ITGA8: variants seen among roughly 807,000 people sequenced by gnomAD.
ITGA8 encodes integrin subunit alpha 8.
A neutral mutation model predicts 142.3 loss-of-function variants in ITGA8; 91 were observed. That is an observed-to-expected ratio of 0.64 (90% CI 0.54 to 0.76). The LOEUF (loss-of-function observed/expected upper bound fraction) is 0.76, where lower values mean the gene tolerates loss of function less well. Ranked by LOEUF, ITGA8 falls within the 30% of genes least tolerant of loss-of-function variation. ITGA8 has a pLI of 0.00. For synonymous variants in ITGA8, 505 were observed against 485.2 expected, an observed-to-expected ratio of 1.04 and a Z score of -0.54; for missense variants, 1,406 against 1,327.7, an observed-to-expected ratio of 1.06 and a Z score of -0.92.
chr10:15,653,294 T>C (rs923178241), intron 11 of ITGA8, among the ~76,000 whole-genome samples: 7 of 152,188 alleles, frequency 4.6e-5, no homozygotes, highest in Non-Finnish European at 8.8e-5. Flanking sequence ...ATTGTATCCC[T>C]TCAAATACTC....
intron 23 of ITGA8, among the ~76,000 whole-genome samples, chr10:15,581,946 G>A (rs185277527): frequency 1.3e-5 from 2 of 152,188 alleles, no homozygotes; most frequent in African/African-American, 4.8e-5. Context: ...AGGTATTCAT[G>A]TGTAAAAGTG....
chr10:15,697,928 AG>A lies in ITGA8; in HGVS notation c.344-9891del, dbSNP rs371898018. Among the ~76,000 whole-genome samples, 307 of 152,288 alleles carry A rather than the reference AG, an allele frequency of 2.0e-3. 5 individuals are homozygous for A. The East Asian group carries it at 0.021, about 10-fold the overall frequency. On this transcript the variant is annotated intron_variant, in intron 2 of 29. Coordinates refer to ENST00000378076, the MANE Select transcript of ITGA8 (RefSeq NM_003638.3). ...TCTTAAATTTATTTTTTATTTCAATAGGTTTTAGGGGAACAGGTGGTGTTTG... is the reference window on the plus strand; with the variant it reads ...TCTTAAATTTATTTTTTATTTCAATAGTTTTAGGGGAACAGGTGGTGTTTG...
At chr10:15,677,386 A>C (rs1344049109) in intron 6 of ITGA8, among the ~76,000 whole-genome samples, 2 of 152,230 alleles carry the variant, frequency 1.3e-5, no homozygotes, top group South Asian at 4.1e-4. Context: ...TGAAAATATC[A>C]CATGTACCCC....
chr10:15,635,013 T>TC (rs1195348544), intron 13 of ITGA8, among the ~76,000 whole-genome samples: 3 of 146,800 alleles, frequency 2.0e-5, no homozygotes, highest in African/African-American at 7.5e-5. Context: ...CTTTTTTTTT[T>TC]TTTTTTTTTT....
intron 2 of ITGA8, among the ~76,000 whole-genome samples, chr10:15,717,411 T>C (rs187310588): frequency 1.6e-4 from 24 of 152,320 alleles, no homozygotes; most frequent in Admixed American, 1.6e-3. Context: ...TTAATTCTTT[T>C]GGTTTACGAA....
At chr10:15,639,051 C>G (rs1833822268) in intron 13 of ITGA8, among the ~76,000 whole-genome samples, 1 of 151,904 alleles carries the variant, frequency 6.6e-6, no homozygotes, top group Admixed American at 6.6e-5. Flanking sequence ...ATCGCTAGAG[C>G]CCAGGAGTTT....
intron 4 of ITGA8, among the ~76,000 whole-genome samples, chr10:15,679,802 G>A (rs1483825923): frequency 6.6e-6 from 1 of 152,104 alleles, no homozygotes; most frequent in Non-Finnish European, 1.5e-5. Context: ...AGGCCAACAC[G>A]TTGATTTCAA....
At chr10:15,567,016 G>C (rs1234738009) in intron 25 of ITGA8, among the ~76,000 whole-genome samples, 1 of 150,706 alleles carries the variant, frequency 6.6e-6, no homozygotes, top group South Asian at 2.1e-4. Context: ...AAACTATCCA[G>C]GTGTGGTGGC....
intron 26 of ITGA8, among the ~76,000 whole-genome samples, chr10:15,549,636 T>C (rs1352543280): frequency 6.6e-6 from 1 of 152,200 alleles, no homozygotes; most frequent in Non-Finnish European, 1.5e-5. Flanking sequence ...TAAATTTATC[T>C]TGTGGCCCAT....
chr10:15,622,801 A>G (rs1833518245), intron 13 of ITGA8, among the ~76,000 whole-genome samples: 1 of 152,236 alleles, frequency 6.6e-6, no homozygotes, highest in Non-Finnish European at 1.5e-5. Flanking sequence ...ATTCTTAAAA[A>G]GATTACAAAC....
chr10:15,692,539 G>A (rs2131714301), intron 2 of ITGA8, among the ~76,000 whole-genome samples: 1 of 152,192 alleles, frequency 6.6e-6, no homozygotes, highest in African/African-American at 2.4e-5. Context: ...TCCCAATAGT[G>A]AAACACATGG....
intron 24 of ITGA8, 112 bp downstream of exon 24, chr10:15,575,377 G>A (rs563442318): frequency 5.2e-5 from 41 of 787,098 alleles, no homozygotes; most frequent in African/African-American, 4.1e-4. Flanking sequence ...GAGACACAGC[G>A]AGATCCTGTC....
chr10:15,717,303 G>A (rs1835471837), intron 2 of ITGA8, among the ~76,000 whole-genome samples: 1 of 152,154 alleles, frequency 6.6e-6, no homozygotes, highest in African/African-American at 2.4e-5. Flanking sequence ...TAATGTTAAT[G>A]ATTCATGTCT....
intron 11 of ITGA8, among the ~76,000 whole-genome samples, chr10:15,654,942 G>T (rs979525284): frequency 6.6e-6 from 1 of 152,056 alleles, no homozygotes; most frequent in Non-Finnish European, 1.5e-5. Flanking sequence ...TAACAATTTC[G>T]TCTTCTCCAT....
chr10:15,658,857 C>A, intron 10 of ITGA8, 142 bp downstream of exon 10: 2 of 602,238 alleles, frequency 3.3e-6, no homozygotes, highest in Non-Finnish European at 5.8e-6. Context: ...TGCATGATTG[C>A]ATCCCCGGTG....
At chr10:15,572,910 A>T (rs1451990160) in intron 24 of ITGA8, among the ~76,000 whole-genome samples, 1 of 152,214 alleles carries the variant, frequency 6.6e-6, no homozygotes, top group Non-Finnish European at 1.5e-5. Context: ...TGTTTCCATC[A>T]GCAGATCTCA....
intron 12 of ITGA8, among the ~76,000 whole-genome samples, chr10:15,644,443 T>C (rs1240328734): frequency 0.099 from 31 of 312 alleles, 2 homozygotes; most frequent in Admixed American, 0.14. Flanking sequence ...AATATATATA[T>C]ATATATATAT....
chr10:15,667,522 G>T lies in ITGA8; in HGVS notation c.847+4081C>A, dbSNP rs57037348. ...GTTTTTTGTGTCTCTATTTCCTTCA[G>T]TTCTACTCTGATCTTAGTTATTTCT... On this transcript the variant is annotated intron_variant, in intron 8 of 29. Transcript: ENST00000378076. Among the ~76,000 whole-genome samples, 873 of 152,120 alleles carry T rather than the reference G, an allele frequency of 5.7e-3. 7 individuals carry two copies. The highest frequency in any genetic ancestry group is 0.019 in the African/African-American group (804 of 41,488).
chr10:15,636,317 A>T (rs1230097285), intron 13 of ITGA8, among the ~76,000 whole-genome samples: 1 of 152,206 alleles, frequency 6.6e-6, no homozygotes. Context: ...CCTCTGGTCA[A>T]TCCTACTTTC....
Sources: allele counts gnomAD v4.1 joint callset (sites outside exome capture counted in the v4.1 genomes callset), GRCh38; gene constraint gnomAD v4.1.1; transcripts MANE v1.5; gene names NCBI Gene and HGNC (gene_info 2026-07-23, HGNC 2026-07-21).